Variants in PRKCA observed in about 807,000 individuals in gnomAD.
The protein encoded by PRKCA is protein kinase C alpha.
In PRKCA, 27 loss-of-function variants were observed where a neutral mutation model predicts 87.0. That is an observed-to-expected ratio of 0.31 (90% CI 0.23 to 0.43). PRKCA has a LOEUF of 0.43. Among genes scored for constraint, PRKCA ranks in the 20% least tolerant of loss-of-function variants. The pLI, the probability that PRKCA is intolerant of heterozygous loss-of-function variation, is 1.00. For missense variants in PRKCA, 518 were observed against 852.3 expected, an observed-to-expected ratio of 0.61 and a Z score of 4.88; for synonymous variants, 329 against 311.1, an observed-to-expected ratio of 1.06 and a Z score of -0.61.
chr17:66,553,960 T>G (rs1160471792), intron 3 of PRKCA, among the ~76,000 whole-genome samples: 1 of 152,164 alleles, frequency 6.6e-6, no homozygotes, highest in Non-Finnish European at 1.5e-5. Flanking sequence ...GACAGGGTGA[T>G]GGACAGCTAA....
At chr17:66,314,899 G>GTGTGTA (rs1555581576) in intron 2 of PRKCA, among the ~76,000 whole-genome samples, 6 of 143,388 alleles carry the variant, frequency 4.2e-5, no homozygotes, top group Non-Finnish European at 7.6e-5. Flanking sequence ...GTGTGTGTGT[G>GTGTGTA]TGTATGTATG....
chr17:66,511,916 G>C (rs1319648334), intron 3 of PRKCA, among the ~76,000 whole-genome samples: 6 of 151,876 alleles, frequency 4.0e-5, no homozygotes, highest in Non-Finnish European at 8.8e-5. Context: ...CCTGATCTCG[G>C]GTGTTCTACC....
chr17:66,505,800 T>A (rs1916950138), intron 3 of PRKCA, among the ~76,000 whole-genome samples: 1 of 152,246 alleles, frequency 6.6e-6, no homozygotes, highest in South Asian at 2.1e-4. Context: ...ATAGAGAGTG[T>A]GTTTGAATCA....
chr17:66,422,938 C>T (rs564117607), intron 2 of PRKCA, among the ~76,000 whole-genome samples: 2 of 151,966 alleles, frequency 1.3e-5, no homozygotes, highest in African/African-American at 4.8e-5. Context: ...TGGTGAAACC[C>T]CGTCTCTACT....
intron 2 of PRKCA, among the ~76,000 whole-genome samples, chr17:66,471,819 A>C (rs1915340777): frequency 1.3e-5 from 2 of 152,036 alleles, no homozygotes; most frequent in African/African-American, 4.8e-5. Context: ...GTTGCAGTGA[A>C]GTCGTATTTG....
intron 16 of PRKCA, among the ~76,000 whole-genome samples, chr17:66,797,476 C>T (rs976008184): frequency 3.3e-5 from 5 of 152,176 alleles, no homozygotes; most frequent in Non-Finnish European, 5.9e-5. Context: ...CCTCAGAGAT[C>T]GATCACATGC....
intron 2 of PRKCA, among the ~76,000 whole-genome samples, chr17:66,361,337 G>A (rs1411334824): frequency 4.6e-5 from 7 of 150,964 alleles, no homozygotes; most frequent in Admixed American, 4.6e-4. Flanking sequence ...TTTAGGACAG[G>A]GTCTCGCTCT....
intron 2 of PRKCA, among the ~76,000 whole-genome samples, chr17:66,387,356 A>G (rs1300214206): frequency 6.6e-6 from 1 of 152,194 alleles, no homozygotes; most frequent in Non-Finnish European, 1.5e-5. Flanking sequence ...CACCTCTAAC[A>G]CCTGGCCATC....
intron 2 of PRKCA, among the ~76,000 whole-genome samples, chr17:66,460,738 G>A (rs1217038755): frequency 1.3e-5 from 2 of 152,212 alleles, no homozygotes; most frequent in Non-Finnish European, 2.9e-5. Context: ...AAGCAGAACT[G>A]CGTCCCCATT....
chr17:66,338,226 C>T (rs574379248), intron 2 of PRKCA, among the ~76,000 whole-genome samples: 25 of 152,092 alleles, frequency 1.6e-4, no homozygotes, highest in Non-Finnish European at 3.4e-4. Context: ...GTCTCGGCTG[C>T]AATAACCAGA....
Position 66,741,686 on chromosome 17 carries a change from A to G in PRKCA, c.1350A>G (p.Gly450=). ...AVFYAAEISI[G]LFFLHKRGII... is the part of the protein sequence containing the mutation. ...TCTATGCGGCAGAGATTTCCATCGG[A>G]TTGTTCTTTCTTCATAAAAGAGGAA... Residue 450 remains glycine (G), a synonymous_variant, in exon 12 of 17, where the codon GGA becomes GGG. Coordinates refer to ENST00000413366, the MANE Select transcript of PRKCA (RefSeq NM_002737.3). 1 of 1,614,088 alleles carries G rather than the reference A, an allele frequency of 6.2e-7. No individual in the cohort carries two copies. The highest frequency in any genetic ancestry group is 1.1e-5 in the South Asian group (1 of 91,064).
intron 5 of PRKCA, among the ~76,000 whole-genome samples, chr17:66,667,075 G>A (rs1425514490): frequency 2.0e-5 from 3 of 152,178 alleles, no homozygotes; most frequent in African/African-American, 7.2e-5. Flanking sequence ...ACTAAAGATT[G>A]CCCAAGAAAG....
intron 2 of PRKCA, among the ~76,000 whole-genome samples, chr17:66,396,165 A>G: frequency 6.6e-6 from 1 of 151,992 alleles, no homozygotes; most frequent in Non-Finnish European, 1.5e-5. Flanking sequence ...GTGAAATGCT[A>G]CTTGTTGAAT....
intron 2 of PRKCA, among the ~76,000 whole-genome samples, chr17:66,467,630 T>C (rs991539906): frequency 1.7e-4 from 26 of 152,208 alleles, no homozygotes; most frequent in Non-Finnish European, 3.2e-4. Context: ...CCATCTTGGC[T>C]CACCACAGCC....
intron 2 of PRKCA, among the ~76,000 whole-genome samples, chr17:66,424,693 T>C (rs1192540963): frequency 1.3e-5 from 2 of 152,168 alleles, no homozygotes; most frequent in African/African-American, 2.4e-5. Context: ...TTTGTCTTAA[T>C]GTGTCTATGC....
At chr17:66,580,556 C>G (rs16969771) in intron 3 of PRKCA, among the ~76,000 whole-genome samples, 18,332 of 152,244 alleles carry the variant, frequency 0.12, 1,202 homozygotes, top group East Asian at 0.15. Flanking sequence ...TCTCAGCAAT[C>G]CAAGGACAAA....
chr17:66,483,300 C>T (rs933287131), intron 2 of PRKCA, among the ~76,000 whole-genome samples: 1 of 152,062 alleles, frequency 6.6e-6, no homozygotes, highest in Non-Finnish European at 1.5e-5. Context: ...AAGAGAGAAT[C>T]TGTTCCATGA....
intron 14 of PRKCA, among the ~76,000 whole-genome samples, chr17:66,781,868 G>GAGATATATATATATATATATAT (rs1491546533): frequency 4.7e-4 from 47 of 99,294 alleles, no homozygotes; most frequent in African/African-American, 1.7e-3. Context: ...GAGAGAGAGA[G>GAGATATATATATATATATATAT]ATATATATAT....
intron 5 of PRKCA, among the ~76,000 whole-genome samples, chr17:66,683,955 A>G (rs1972559054): frequency 6.6e-6 from 1 of 151,278 alleles, no homozygotes; most frequent in Non-Finnish European, 1.5e-5. Context: ...CCCCACTTCA[A>G]TTTTCCTCTT....
Sources: allele counts gnomAD v4.1 joint callset (sites outside exome capture counted in the v4.1 genomes callset), GRCh38; gene constraint gnomAD v4.1.1; transcripts MANE v1.5; gene names NCBI Gene and HGNC (gene_info 2026-07-23, HGNC 2026-07-21).